The following GSR variants were observed in gnomAD, a reference collection of about 807,000 sequenced individuals.
GSR encodes glutathione reductase, mitochondrial.
GSR carries 48 observed loss-of-function variants against 56.5 expected under a neutral mutation model. The observed-to-expected ratio is 0.85, with a 90% CI of 0.67 to 1.08. The LOEUF (loss-of-function observed/expected upper bound fraction) is 1.08, where lower values mean the gene tolerates loss of function less well. Among genes scored for constraint, GSR ranks in the 50% least tolerant of loss-of-function variants. The pLI is 0.00. For synonymous variants in GSR, 264 were observed against 270.8 expected (o/e 0.97, Z 0.25); for missense variants, 694 against 703.3 (o/e 0.99, Z 0.15).
At chr8:30,724,658 C>T (rs1804664977) in intron 1 of GSR, among the ~76,000 whole-genome samples, 1 of 139,684 alleles carries the variant, frequency 7.2e-6, no homozygotes, top group Non-Finnish European at 1.5e-5. Flanking sequence ...AAGTGATTCT[C>T]ATGCCTCAGC....
intron 1 of GSR, among the ~76,000 whole-genome samples, chr8:30,715,316 C>T (rs1011862867): frequency 2.6e-5 from 4 of 151,866 alleles, no homozygotes; most frequent in South Asian, 2.1e-4. Context: ...TAATAATAAA[C>T]GTATGGCTTT....
At chr8:30,711,869 AAAAT>A (rs978140680) in intron 2 of GSR, among the ~76,000 whole-genome samples, 189 bp downstream of exon 2, 4 of 151,844 alleles carry the variant, frequency 2.6e-5, no homozygotes, top group African/African-American at 7.2e-5. Flanking sequence ...AAAGTAATTA[AAAAT>A]AAATAAAAAA....
At chr8:30,681,149 T>C in intron 11 of GSR, 112 bp from the exon 12 acceptor site, 1 of 863,376 alleles carries the variant, frequency 1.2e-6, no homozygotes, top group Middle Eastern at 3.2e-4. Context: ...CGAGGAAATA[T>C]CAAACCACGC....
intron 6 of GSR, 73 bp downstream of exon 6, chr8:30,700,008 G>A: frequency 9.7e-7 from 1 of 1,034,480 alleles, no homozygotes; most frequent in East Asian, 2.4e-5. Flanking sequence ...TGCTTGGGAG[G>A]AGAAGACGAA....
chr8:30,719,363 A>G lies in GSR; in HGVS notation c.307-7275T>C, dbSNP rs552255776. Among the ~76,000 whole-genome samples the G allele has an allele frequency of 5.4e-4, 82 of 151,650 alleles. 1 individual carries two copies. Among genetic ancestry groups the G allele is most frequent in the Non-Finnish European group, 1.0e-3 (70 of 67,914 alleles). ...GATCTACTGACCTCATGATCCGCCC[A>G]CCTCGGCCTCCCAAAGTGCTGGGAT... On this transcript the variant is annotated intron_variant, in intron 1 of 12. Transcript: ENST00000221130.
chr8:30,694,505 G>T (rs1042054784), intron 7 of GSR, among the ~76,000 whole-genome samples: 1 of 152,070 alleles, frequency 6.6e-6, no homozygotes. Context: ...TAGAGATGGG[G>T]GTCTCACTAT....
intron 2 of GSR, among the ~76,000 whole-genome samples, chr8:30,710,746 GAAAAGA>G (rs1804109786): frequency 1.7e-5 from 1 of 59,496 alleles, no homozygotes; most frequent in African/African-American, 7.3e-5. Context: ...AAAAAAAAAA[GAAAAGA>G]AAAAAAAGAA....
chr8:30,707,905 C>A (rs999142897), intron 4 of GSR, among the ~76,000 whole-genome samples, 167 bp downstream of exon 4: 1 of 151,342 alleles, frequency 6.6e-6, no homozygotes. Context: ...TGCAGTGAGC[C>A]GAGATTGCGC....
At chr8:30,681,827 G>A in intron 11 of GSR, 103 bp downstream of exon 11, 2 of 1,072,062 alleles carry the variant, frequency 1.9e-6, no homozygotes, top group Non-Finnish European at 2.9e-6. Flanking sequence ...ATGTAATCTG[G>A]GGCTGAGATA....
chr8:30,727,473 C>T, intron 1 of GSR, 57 bp downstream of exon 1: 1 of 1,454,962 alleles, frequency 6.9e-7, no homozygotes, highest in Non-Finnish European at 9.3e-7. Flanking sequence ...ACAGGCTGTC[C>T]CCCGAAAGAC....
chr8:30,721,920 G>A (rs1268278927), intron 1 of GSR, among the ~76,000 whole-genome samples: 2 of 151,830 alleles, frequency 1.3e-5, no homozygotes, highest in Non-Finnish European at 2.9e-5. Flanking sequence ...AGGAGGCTGG[G>A]CAGGAGAATC....
chr8:30,685,915 G>A (rs796515793), intron 9 of GSR, among the ~76,000 whole-genome samples: 12 of 149,988 alleles, frequency 8.0e-5, no homozygotes, highest in African/African-American at 3.0e-4. Context: ...TGAACCCAGG[G>A]GGCGGAGATT....
rs776559095 is a variant in GSR at position 30,700,155 on chromosome 8, A to G, written c.641-20T>C. On this transcript the variant is annotated intron_variant, in intron 5 of 12. Transcript: ENST00000221130. ...TGGCACCTATGTAGAAAAAGGCAAC[A>G]TAGATCACACAAGACTGCTCTTTCT... 1.9e-6 allele frequency: 3 copies of G among 1,572,616 alleles called. No individual in the cohort carries two copies. The highest frequency in any genetic ancestry group is 1.1e-5 in the South Asian group (1 of 90,264).
chr8:30,685,172 G>T (rs560415915), intron 9 of GSR, among the ~76,000 whole-genome samples: 1 of 152,012 alleles, frequency 6.6e-6, no homozygotes, highest in Non-Finnish European at 1.5e-5. Flanking sequence ...ATGTTAGCCA[G>T]GATGGTCTTG....
intron 1 of GSR, among the ~76,000 whole-genome samples, chr8:30,717,231 C>T (rs1225005448): frequency 7.7e-6 from 1 of 129,254 alleles, no homozygotes; most frequent in Non-Finnish European, 1.6e-5. Context: ...GAGCGAAACT[C>T]TATCTCAAAA....
chr8:30,681,045 G>C lies in GSR; in HGVS notation c.1286-8C>G. ...ATTTATGAATGGCTTCATCTACAAT[G>C]CACATTAAAAAAAGCATCTATCAGA... On this transcript the variant is annotated splice_region_variant and splice_polypyrimidine_tract_variant and intron_variant, in intron 11 of 12. Coordinates refer to ENST00000221130, the MANE Select transcript of GSR (RefSeq NM_000637.5). 2 of 1,603,114 alleles carry C rather than the reference G, an allele frequency of 1.2e-6. No individual in the cohort carries two copies. The highest frequency in any genetic ancestry group is 8.5e-7 in the Non-Finnish European group (1 of 1,171,080).
intron 9 of GSR, among the ~76,000 whole-genome samples, chr8:30,688,705 G>A (rs962977852): frequency 5.3e-5 from 8 of 151,638 alleles, no homozygotes; most frequent in Non-Finnish European, 7.4e-5. Context: ...TGGGCGAATC[G>A]CTTGAGCCGA....
rs562606451 is a variant in GSR at position 30,678,593 on chromosome 8, C to T, written c.*927G>A. 3.2e-4 allele frequency: 48 copies of T among 151,916 alleles called. No homozygotes were observed. The highest frequency in any genetic ancestry group is 9.9e-4 in the African/African-American group (41 of 41,436). The allele number at this position is 151,916 out of a possible 1,614,324, so 9.4% of individuals were successfully genotyped here. On this transcript the variant is annotated 3_prime_UTR_variant, in exon 13 of 13. Coordinates refer to ENST00000221130, the MANE Select transcript of GSR (RefSeq NM_000637.5). ...TGCATGCTGGCCTCAAACTTGTAGG[C>T]TCAAGTAATCCTCCTGCCTCGGCCT...
intron 7 of GSR, among the ~76,000 whole-genome samples, chr8:30,695,967 G>A (rs1455506589): frequency 6.6e-6 from 1 of 152,134 alleles, no homozygotes; most frequent in Non-Finnish European, 1.5e-5. Context: ...TTGAGCCCAG[G>A]AGGCAGAGGT....
Sources: allele counts gnomAD v4.1 joint callset (sites outside exome capture counted in the v4.1 genomes callset), GRCh38; gene constraint gnomAD v4.1.1; transcripts MANE v1.5; gene names NCBI Gene and HGNC (gene_info 2026-07-23, HGNC 2026-07-21).